Variants in TK2 observed in about 807,000 individuals in gnomAD.
The protein encoded by TK2 is thymidine kinase 2, mitochondrial.
TK2 carries 35 observed loss-of-function variants against 41.9 expected under a neutral mutation model. The ratio of observed to expected loss-of-function variants is 0.84; its 90% CI spans 0.64 to 1.11. TK2 has a LOEUF of 1.11. TK2 is among the 50% of genes least tolerant of loss of function. The pLI is 0.00. For synonymous variants in TK2, 128 were observed against 129.1 expected (o/e 0.99, Z 0.06); for missense variants, 320 against 351.1 (o/e 0.91, Z 0.71).
chr16:66,540,248 C>T (rs1965420027), intron 3 of TK2, among the ~76,000 whole-genome samples: 1 of 148,996 alleles, frequency 6.7e-6, no homozygotes. Context: ...TCCTGGCTCA[C>T]CACAGCCTCA....
At position 66,549,752 on chromosome 16, in the gene TK2, C is replaced by G. The variant is rs1032699522; in HGVS notation, c.124+186G>C. 1.2e-4 allele frequency: 150 copies of G among 1,278,856 alleles called. 1 individual carries two copies. Among genetic ancestry groups the G allele is most frequent in the Non-Finnish European group, 1.4e-4 (143 of 1,019,744 alleles). The allele number at this position is 1,278,856 out of a possible 1,614,324, so 79.2% of individuals were successfully genotyped here. The stretch of plus-strand genomic sequence containing the variant: ...TCCCAGAACCAAAGCCGAGCGCCCC[C>G]AGCGCTCGCTGCGGTCTCGCGCCCG... On this transcript the variant is annotated intron_variant, in intron 1 of 9. Coordinates refer to ENST00000544898, the MANE Select transcript of TK2 (RefSeq NM_004614.5).
intron 2 of TK2, among the ~76,000 whole-genome samples, chr16:66,547,032 C>A (rs147919863): frequency 6.6e-6 from 1 of 152,186 alleles, no homozygotes; most frequent in African/African-American, 2.4e-5. Context: ...GGATTATAGG[C>A]ATGAGCCATT....
chr16:66,543,336 G>A (rs749839480), intron 2 of TK2, among the ~76,000 whole-genome samples: 1 of 152,218 alleles, frequency 6.6e-6, no homozygotes, highest in Non-Finnish European at 1.5e-5. Context: ...GTAGCATCCA[G>A]ACCCTAAATC....
At position 66,549,355 on chromosome 16, in the gene TK2, G is replaced by C; in HGVS notation, c.125-346C>G. ...CACTCGCGGTGCACGGGGAAGAGTG[G>C]GCGGCGGACGTGGTTTTGGGCCTGG... On this transcript the variant is annotated intron_variant, in intron 1 of 9. Transcript: ENST00000544898. The C allele has an allele frequency of 4.4e-6, 5 of 1,141,370 alleles. No individual in the cohort carries two copies. The South Asian group carries it at 1.2e-4, about 27-fold the overall frequency. The allele number at this position is 1,141,370 out of a possible 1,614,324, so 70.7% of individuals were successfully genotyped here.
At chr16:66,525,519 G>A (rs1964905405) in intron 6 of TK2, among the ~76,000 whole-genome samples, 1 of 152,204 alleles carries the variant, frequency 6.6e-6, no homozygotes, top group African/African-American at 2.4e-5. Flanking sequence ...GTGCTGTGGG[G>A]AGCTTTCCTC....
intron 6 of TK2, among the ~76,000 whole-genome samples, chr16:66,526,996 A>G (rs912104779): frequency 4.6e-5 from 7 of 152,150 alleles, no homozygotes; most frequent in Non-Finnish European, 8.8e-5. Flanking sequence ...TTCTAATCAG[A>G]GCAGTACACA....
intron 3 of TK2, among the ~76,000 whole-genome samples, chr16:66,537,996 C>T (rs764392867): frequency 6.6e-6 from 1 of 152,156 alleles, no homozygotes; most frequent in Non-Finnish European, 1.5e-5. Context: ...AACCCCATCT[C>T]TACTAAAAAT....
At position 66,508,684 on chromosome 16, in the gene TK2, G is replaced by C; in HGVS notation, c.*3284C>G. ...GGTTTAAATGGCACCACCGTCACTC[G>C]GGTCTAATGGTGCATGTCTGCAGGA... On this transcript the variant is annotated 3_prime_UTR_variant, in exon 10 of 10. Transcript: ENST00000544898. The C allele has an allele frequency of 6.6e-6, 1 of 152,242 alleles. No homozygotes were observed. The highest frequency in any genetic ancestry group is 1.9e-4 in the East Asian group (1 of 5,202). 9.4% of individuals were successfully genotyped at this position (152,242 alleles called of 1,614,324 possible).
intron 5 of TK2, 115 bp downstream of exon 5, chr16:66,531,265 C>A: frequency 9.9e-7 from 1 of 1,006,676 alleles, no homozygotes. Context: ...GAGAGGCCTG[C>A]ACAGCACTGA....
At chr16:66,540,525 G>T (rs545026991) in intron 3 of TK2, among the ~76,000 whole-genome samples, 24 of 152,120 alleles carry the variant, frequency 1.6e-4, no homozygotes, top group Non-Finnish European at 3.4e-4. Flanking sequence ...AAGAAGGAAA[G>T]AAAATGACTA....
chr16:66,538,171 A>T (rs1965346007), intron 3 of TK2, among the ~76,000 whole-genome samples: 1 of 152,046 alleles, frequency 6.6e-6, no homozygotes, highest in Non-Finnish European at 1.5e-5. Context: ...TCTAAAAAGA[A>T]AAGAAAAGTA....
rs1395880176 is a variant in TK2, at chr16:66,514,491, T to G, written c.619-680A>C. 1.3e-5 allele frequency among the ~76,000 whole-genome samples: 2 copies of G among 152,202 alleles called. No individual in the cohort carries two copies. Among genetic ancestry groups the G allele is most frequent in the Non-Finnish European group, 2.9e-5 (2 of 68,028 alleles). On this transcript the variant is annotated intron_variant, in intron 8 of 9. Coordinates refer to ENST00000544898, the MANE Select transcript of TK2 (RefSeq NM_004614.5). The surrounding 1 kb of genome is among the most constrained non-coding windows in gnomAD (Gnocchi z 4.2). The stretch of plus-strand genomic sequence containing the variant: ...CTACAACCTCCACCTCCCAGCCGCC[T>G]GCCTTGGCCTCCCAAAGTGCCGAGA...
intron 1 of TK2, chr16:66,549,405 G>A: frequency 1.8e-6 from 2 of 1,096,478 alleles, no homozygotes; most frequent in Non-Finnish European, 2.2e-6. Flanking sequence ...TCTAGGCCCA[G>A]GGCGGGCATC....
intron 6 of TK2, among the ~76,000 whole-genome samples, chr16:66,520,410 G>A (rs941004120): frequency 2.6e-5 from 4 of 152,264 alleles, no homozygotes; most frequent in East Asian, 1.9e-4. Context: ...AGGCACAATC[G>A]GTCTAAAGGA....
chr16:66,515,522 A>G (rs1405195444), intron 8 of TK2, among the ~76,000 whole-genome samples: 1 of 152,222 alleles, frequency 6.6e-6, no homozygotes, highest in Non-Finnish European at 1.5e-5. Flanking sequence ...CTCCTCACAC[A>G]GATTCCACTC....
chr16:66,511,797 G>C lies in TK2; in HGVS notation c.*171C>G. On this transcript the variant is annotated 3_prime_UTR_variant, in exon 10 of 10. Transcript: ENST00000544898. The stretch of plus-strand genomic sequence containing the variant: ...TTGGTCCCGTTTGTCATTTACCCAC[G>C]AGGGCCAGAGACGCATGACAAAGAC... The C allele has an allele frequency of 2.9e-6, 2 of 678,002 alleles. No homozygotes were observed. Among genetic ancestry groups the C allele is most frequent in the South Asian group, 1.6e-5 (1 of 61,448 alleles). 42.0% of individuals were successfully genotyped at this position (678,002 alleles called of 1,614,324 possible).
intron 3 of TK2, among the ~76,000 whole-genome samples, chr16:66,538,487 G>A (rs2144442944): frequency 6.6e-6 from 1 of 152,272 alleles, no homozygotes; most frequent in Non-Finnish European, 1.5e-5. Flanking sequence ...ACCCAGCTCA[G>A]GGGTGCTCCA....
At position 66,536,951 on chromosome 16, in the gene TK2, A is replaced by G. The variant is rs557125518; in HGVS notation, c.285+13T>C. The G allele has an allele frequency of 1.2e-5, 20 of 1,614,090 alleles. No individual in the cohort carries two copies. Among genetic ancestry groups the G allele is most frequent in the African/African-American group, 1.1e-4 (8 of 75,000 alleles). ...GGGAAGCCGGGGGTTCATGCAACCA[A>G]CAACCCACTCACCAGAGGATTGTGG... On this transcript the variant is annotated intron_variant, in intron 4 of 9. Transcript: ENST00000544898.
At chr16:66,528,520 A>T (rs928666185) in intron 6 of TK2, among the ~76,000 whole-genome samples, 1 of 152,186 alleles carries the variant, frequency 6.6e-6, no homozygotes, top group Admixed American at 6.5e-5. Context: ...CCCTGGGCTC[A>T]TGTGACCATG....
Sources: allele counts gnomAD v4.1 joint callset (sites outside exome capture counted in the v4.1 genomes callset), GRCh38; gene constraint gnomAD v4.1.1; non-coding constraint Gnocchi (gnomAD v3.1); transcripts MANE v1.5; gene names NCBI Gene and HGNC (gene_info 2026-07-23, HGNC 2026-07-21).